The following VTI1B variants were observed in gnomAD, a reference collection of about 807,000 sequenced individuals.
VTI1B encodes the protein vesicle transport through interaction with t-SNAREs 1B.
A neutral mutation model predicts 28.6 loss-of-function variants in VTI1B; 18 were observed. The observed-to-expected ratio is 0.63, with a 90% CI of 0.43 to 0.93. The LOEUF (loss-of-function observed/expected upper bound fraction) is 0.93, where lower values mean the gene tolerates loss of function less well. Among genes scored for constraint, VTI1B ranks in the 40% least tolerant of loss-of-function variants. The pLI is 0.00. For synonymous variants in VTI1B, 100 were observed against 107.9 expected (o/e 0.93, Z 0.46); for missense variants, 283 against 297.0 (o/e 0.95, Z 0.35).
chr14:67,661,813 C>T (rs1216150546), intron 2 of VTI1B, among the ~76,000 whole-genome samples: 2 of 152,072 alleles, frequency 1.3e-5, no homozygotes, highest in Admixed American at 6.5e-5. Context: ...GGATTGCAAG[C>T]GTGAGCCACC....
At chr14:67,663,099 CG>C (rs2037359811) in intron 1 of VTI1B, 2 of 1,507,410 alleles carry the variant, frequency 1.3e-6, no homozygotes, top group Admixed American at 4.4e-5. Context: ...ATGACTTGAA[CG>C]ATGAGAACGT....
chr14:67,663,265 TTC>T (rs1287499890), intron 1 of VTI1B: 1 of 1,065,788 alleles, frequency 9.4e-7, no homozygotes, highest in Non-Finnish European at 1.4e-6. Flanking sequence ...TAATTGTATT[TTC>T]TGATAGTTTA....
At chr14:67,655,233 A>G (rs1295606340) in intron 4 of VTI1B, among the ~76,000 whole-genome samples, 8 of 151,860 alleles carry the variant, frequency 5.3e-5, no homozygotes, top group African/African-American at 1.7e-4. Context: ...GCAGCTACAC[A>G]TGAGGATCAC....
intron 1 of VTI1B, among the ~76,000 whole-genome samples, chr14:67,672,194 C>G (rs988291354): frequency 2.0e-4 from 30 of 151,302 alleles, no homozygotes; most frequent in Non-Finnish European, 4.4e-4. Flanking sequence ...TCTTGGCTCA[C>G]TGCAACCTCC....
Position 67,650,039 on chromosome 14 carries a change from G to GTAAC in VTI1B, c.*1342_*1345dup, listed in dbSNP as rs1017612447. 2.0e-5 allele frequency: 3 copies of GTAAC among 152,180 alleles called. No individual in the cohort carries two copies. In the East Asian group the frequency reaches 5.8e-4, roughly 29 times the overall value. 9.4% of individuals were successfully genotyped at this position (152,180 alleles called of 1,614,324 possible). A position where few individuals can be genotyped will look rare whatever the true frequency, so the allele number is the denominator to read the frequency against. ...ACAAGTTCTCAAACCTTAACAGAAG[G>GTAAC]TAACTGAAGTCCAGATAAAATAATT... is the stretch of plus-strand genomic sequence containing the variant. On this transcript the variant is annotated 3_prime_UTR_variant, in exon 6 of 6. Coordinates refer to ENST00000554659, the MANE Select transcript of VTI1B (RefSeq NM_006370.3).
chr14:67,652,362 C>G (rs2037194193), intron 5 of VTI1B: 1 of 169,218 alleles, frequency 5.9e-6, no homozygotes, highest in Non-Finnish European at 1.3e-5. Context: ...GCTGTGATGA[C>G]TGAAGTCAAT....
rs988515380 is a variant in VTI1B, at chr14:67,649,045, T to C, written c.*2340A>G. The stretch of plus-strand genomic sequence containing the variant: ...AAAAAGGCAGGCAGTACTGGTCTAA[T>C]TCTCAGATCTGCAATCTTAGATGTT... On this transcript the variant is annotated 3_prime_UTR_variant, in exon 6 of 6. Coordinates refer to ENST00000554659, the MANE Select transcript of VTI1B (RefSeq NM_006370.3). 2 of 152,206 alleles carry C rather than the reference T, an allele frequency of 1.3e-5. No homozygotes were observed. Among genetic ancestry groups the C allele is most frequent in the Non-Finnish European group, 2.9e-5 (2 of 68,032 alleles). 9.4% of individuals were successfully genotyped at this position (152,206 alleles called of 1,614,324 possible). A position where few individuals can be genotyped will look rare whatever the true frequency, so the allele number is the denominator to read the frequency against.
chr14:67,665,636 C>G (rs1449594452), intron 1 of VTI1B, among the ~76,000 whole-genome samples: 2 of 152,114 alleles, frequency 1.3e-5, no homozygotes, highest in Non-Finnish European at 2.9e-5. Flanking sequence ...AACTTGAGAC[C>G]AAGTTCCTCT....
chr14:67,670,934 A>C (rs1048532251), intron 1 of VTI1B, among the ~76,000 whole-genome samples: 1 of 152,234 alleles, frequency 6.6e-6, no homozygotes, highest in Non-Finnish European at 1.5e-5. Flanking sequence ...TCAATTACAG[A>C]GCATAAGCTA....
Position 67,648,124 on chromosome 14 carries a change from T to C in VTI1B, c.*3261A>G, listed in dbSNP as rs141107940. On this transcript the variant is annotated 3_prime_UTR_variant, in exon 6 of 6. Coordinates refer to ENST00000554659, the MANE Select transcript of VTI1B (RefSeq NM_006370.3). ...CTGGCTCCAGCCACAGGAACTCCTG[T>C]TGTCGGGGGACTAACCTATCGAGAA... The C allele has an allele frequency of 1.6e-5, 26 of 1,613,980 alleles. No homozygotes were observed. The highest frequency in any genetic ancestry group is 5.0e-5 in the Admixed American group (3 of 60,000).
intron 4 of VTI1B, among the ~76,000 whole-genome samples, chr14:67,654,094 T>A (rs928462563): frequency 6.6e-6 from 1 of 152,170 alleles, no homozygotes; most frequent in African/African-American, 2.4e-5. Flanking sequence ...TAAGCTGACC[T>A]CTCAGCTCGT....
At position 67,661,278 on chromosome 14, in the gene VTI1B, CAAAAAAA is replaced by C. The variant is rs1208811725; in HGVS notation, c.174+1192_174+1198del. 6.0e-4 allele frequency among the ~76,000 whole-genome samples: 34 copies of C among 56,564 alleles called. No homozygotes were observed. In the Admixed American group the frequency reaches 8.5e-3, roughly 14 times the overall value. The allele number at this position is 56,564 out of a possible 152,430, so 37.1% of individuals were successfully genotyped here. On this transcript the variant is annotated intron_variant, in intron 2 of 5. Coordinates refer to ENST00000554659, the MANE Select transcript of VTI1B (RefSeq NM_006370.3). Reference sequence around the variant, plus strand: ...GACTCTTGCTTCTATAGGGCTAGAGCAAAAAAAAAAAAAAAAAAAAAGTTTTTTTTTT... The same window carrying C: ...GACTCTTGCTTCTATAGGGCTAGAGCAAAAAAAAAAAAAAGTTTTTTTTTT...
Position 67,650,792 on chromosome 14 carries a change from A to G in VTI1B, c.*593T>C, listed in dbSNP as rs2037163932. ...AGAGGAAGAGGCGAAGACTACAGCT[A>G]ACCTGGCAGTAGATGTGATTGCTTC... On this transcript the variant is annotated 3_prime_UTR_variant, in exon 6 of 6. Transcript: ENST00000554659. The G allele has an allele frequency of 1.2e-6, 2 of 1,614,076 alleles. No individual in the cohort carries two copies. Among genetic ancestry groups the G allele is most frequent in the African/African-American group, 1.3e-5 (1 of 74,930 alleles).
At chr14:67,666,979 G>C (rs566923565) in intron 1 of VTI1B, among the ~76,000 whole-genome samples, 1 of 152,284 alleles carries the variant, frequency 6.6e-6, no homozygotes, top group East Asian at 1.9e-4. Flanking sequence ...ACTACAAACA[G>C]CAAGGTGGCA....
intron 3 of VTI1B, among the ~76,000 whole-genome samples, chr14:67,657,499 C>T (rs933550254): frequency 2.6e-5 from 4 of 152,046 alleles, no homozygotes; most frequent in Non-Finnish European, 5.9e-5. Flanking sequence ...ATACAGACAG[C>T]AGGAAGAAAA....
In VTI1B at chr14:67,674,364, C is replaced by T; in HGVS notation, c.115+11G>A. ...CTGCGCTCCCCACGGCGTGGCCCAC[C>T]CCCGCCTCACCGGTCCCCGCCGTCC... On this transcript the variant is annotated intron_variant, in intron 1 of 5. Transcript: ENST00000554659. 1 of 1,584,236 alleles carries T rather than the reference C, an allele frequency of 6.3e-7. No homozygotes were observed. The highest frequency in any genetic ancestry group is 8.6e-7 in the Non-Finnish European group (1 of 1,167,242).
Position 67,651,918 on chromosome 14 carries a change from C to T in VTI1B, c.603-437G>A, listed in dbSNP as rs181149950. Among the ~76,000 whole-genome samples, 492 of 152,280 alleles carry T rather than the reference C, an allele frequency of 3.2e-3. 2 individuals are homozygous for T. The highest frequency in any genetic ancestry group is 5.0e-3 in the Non-Finnish European group (341 of 68,014). ...ATTTTTCCCTTTGCTCTCCTATCAACCCAAATGGGTATGTTATAAAGGTAG... is the reference window on the plus strand; with the variant it reads ...ATTTTTCCCTTTGCTCTCCTATCAATCCAAATGGGTATGTTATAAAGGTAG... On this transcript the variant is annotated intron_variant, in intron 5 of 5. Coordinates refer to ENST00000554659, the MANE Select transcript of VTI1B (RefSeq NM_006370.3).
intron 1 of VTI1B, chr14:67,663,128 GC>G: frequency 6.6e-7 from 1 of 1,526,480 alleles, no homozygotes; most frequent in Non-Finnish European, 8.7e-7. Flanking sequence ...TCCCCTTTCA[GC>G]CTTTCCCATT....
At chr14:67,663,620 G>A (rs1274934988) in intron 1 of VTI1B, among the ~76,000 whole-genome samples, 1 of 152,192 alleles carries the variant, frequency 6.6e-6, no homozygotes, top group Non-Finnish European at 1.5e-5. Flanking sequence ...CTTGCAGTGA[G>A]CCAAGATTGT....
Sources: gnomAD v4.1 joint callset for allele counts (sites outside exome capture counted in the v4.1 genomes callset) on GRCh38, gnomAD v4.1.1 for gene constraint, MANE v1.5 for transcripts, NCBI Gene and HGNC (gene_info 2026-07-23, HGNC 2026-07-21) for gene names.